The following HTR1F variants were observed in gnomAD, a reference collection of about 807,000 sequenced individuals.
HTR1F encodes 5-hydroxytryptamine (serotonin) receptor 1F, G protein-coupled.
A neutral mutation model predicts 24.0 loss-of-function variants in HTR1F; 17 were observed. The observed-to-expected ratio is 0.71, with a 90% CI of 0.48 to 1.06. The LOEUF is 1.06. Among genes scored for constraint, HTR1F ranks in the 50% least tolerant of loss-of-function variants. The pLI is 0.00. For synonymous variants in HTR1F, 186 were observed against 156.8 expected, an observed-to-expected ratio of 1.19 and a Z score of -1.39; for missense variants, 391 against 427.8, an observed-to-expected ratio of 0.91 and a Z score of 0.76.
intron 1 of HTR1F, among the ~76,000 whole-genome samples, chr3:87,818,887 T>C (rs1178067224): frequency 6.6e-6 from 1 of 152,166 alleles, no homozygotes; most frequent in Non-Finnish European, 1.5e-5. Context: ...AATCTACTCC[T>C]TAAGCTCTGC....
At chr3:87,899,593 C>T (rs1276693545) in intron 2 of HTR1F, among the ~76,000 whole-genome samples, 4 of 152,038 alleles carry the variant, frequency 2.6e-5, no homozygotes, top group South Asian at 2.1e-4. Flanking sequence ...TGGCCGGGTG[C>T]GGTGACTCAC....
At chr3:87,980,584 C>T (rs539388402) in intron 2 of HTR1F, among the ~76,000 whole-genome samples, 42 of 152,252 alleles carry the variant, frequency 2.8e-4, no homozygotes, top group South Asian at 8.3e-4. Context: ...CTGGCTTGAA[C>T]ATGGGGTTTC....
intron 2 of HTR1F, among the ~76,000 whole-genome samples, chr3:87,915,822 A>C (rs577823655): frequency 1.9e-4 from 29 of 152,328 alleles, no homozygotes; most frequent in African/African-American, 7.0e-4. Flanking sequence ...GCCATGCTAG[A>C]GACCTAGAAA....
At chr3:87,983,987 TCTGA>T (rs1233780892) in intron 2 of HTR1F, among the ~76,000 whole-genome samples, 1 of 152,166 alleles carries the variant, frequency 6.6e-6, no homozygotes, top group East Asian at 1.9e-4. Flanking sequence ...TTCTAAGACT[TCTGA>T]CTGCCTACAA....
At chr3:87,903,169 AC>A (rs1165277523) in intron 2 of HTR1F, among the ~76,000 whole-genome samples, 1 of 151,948 alleles carries the variant, frequency 6.6e-6, no homozygotes, top group African/African-American at 2.4e-5. Context: ...AACCATAAAA[AC>A]CCTAGAAGAA....
At chr3:87,802,096 TCCC>T in intron 1 of HTR1F, among the ~76,000 whole-genome samples, 4 of 40,986 alleles carry the variant, frequency 9.8e-5, no homozygotes, top group African/African-American at 5.6e-4. Flanking sequence ...CCCTCCCTCC[TCCC>T]TCCCTCCCTC....
intron 2 of HTR1F, among the ~76,000 whole-genome samples, chr3:87,948,195 A>G (rs1482434994): frequency 3.3e-5 from 5 of 152,132 alleles, no homozygotes; most frequent in Non-Finnish European, 7.4e-5. Context: ...TCAGTGCCTC[A>G]TTCACTTTGG....
intron 2 of HTR1F, among the ~76,000 whole-genome samples, chr3:87,961,816 G>T (rs1391864785): frequency 6.9e-6 from 1 of 144,908 alleles, no homozygotes; most frequent in Non-Finnish European, 1.5e-5. Context: ...AAAAAAAAAA[G>T]AATAAAAGGT....
At chr3:87,851,105 A>T (rs1206417327) in intron 2 of HTR1F, among the ~76,000 whole-genome samples, 1 of 151,776 alleles carries the variant, frequency 6.6e-6, no homozygotes, top group African/African-American at 2.4e-5. Context: ...AAAAATGTTA[A>T]CAAGCCTGGG....
intron 2 of HTR1F, among the ~76,000 whole-genome samples, chr3:87,937,928 G>GGA (rs1434077356): frequency 8.7e-6 from 1 of 114,348 alleles, no homozygotes; most frequent in Non-Finnish European, 1.9e-5. Flanking sequence ...CATCTCAAAA[G>GGA]AAAAAAAAAA....
chr3:87,847,979 G>C (rs1416866804), intron 2 of HTR1F, among the ~76,000 whole-genome samples: 1 of 151,904 alleles, frequency 6.6e-6, no homozygotes, highest in Non-Finnish European at 1.5e-5. Context: ...AAGCATGTGA[G>C]TACAGACATC....
At chr3:87,833,335 G>A (rs561508469) in intron 2 of HTR1F, among the ~76,000 whole-genome samples, 96 of 152,266 alleles carry the variant, frequency 6.3e-4, no homozygotes, top group Middle Eastern at 3.4e-3. Flanking sequence ...CATTTCCCAA[G>A]TGTTGTCCTT....
chr3:87,987,061 A>AT (rs909097661), intron 2 of HTR1F, among the ~76,000 whole-genome samples: 6 of 152,128 alleles, frequency 3.9e-5, no homozygotes, highest in Non-Finnish European at 7.4e-5. Context: ...AGCCAAGATC[A>AT]TGCCACTGTA....
chr3:87,846,295 G>T (rs1239997898), intron 2 of HTR1F, among the ~76,000 whole-genome samples: 2 of 151,804 alleles, frequency 1.3e-5, no homozygotes, highest in African/African-American at 4.9e-5. Flanking sequence ...TTAGCCAGGT[G>T]TGATGGCAAG....
chr3:87,945,155 C>G (rs1209731907), intron 2 of HTR1F, among the ~76,000 whole-genome samples: 1 of 151,898 alleles, frequency 6.6e-6, no homozygotes, highest in Non-Finnish European at 1.5e-5. Flanking sequence ...CTCTCTCCTT[C>G]TCTTAGCCAT....
rs568070588 is a variant in HTR1F, at chr3:87,914,207, G to C, written c.-42-76501G>C. Among the ~76,000 whole-genome samples, 52 of 152,204 alleles carry C rather than the reference G, an allele frequency of 3.4e-4. 1 individual carries two copies. In the South Asian group the frequency reaches 6.8e-3, roughly 20 times the overall value. On this transcript the variant is annotated intron_variant, in intron 2 of 2. Coordinates refer to ENST00000319595, the MANE Select transcript of HTR1F (RefSeq NM_001322209.2). Reference sequence around the variant, plus strand: ...GCAGGAAACCCCTGGAAGCTCACTGGGTCCCCTACCAAGCCGTTTTTGCCT... The same window carrying C: ...GCAGGAAACCCCTGGAAGCTCACTGCGTCCCCTACCAAGCCGTTTTTGCCT...
chr3:87,931,026 CTT>C (rs34617109), intron 2 of HTR1F, among the ~76,000 whole-genome samples: 14 of 131,842 alleles, frequency 1.1e-4, no homozygotes, highest in African/African-American at 3.2e-4. Flanking sequence ...ATAGTCTTTC[CTT>C]TTTTTTTTTT....
intron 2 of HTR1F, among the ~76,000 whole-genome samples, chr3:87,967,076 T>C (rs1371616669): frequency 1.3e-5 from 2 of 152,172 alleles, no homozygotes; most frequent in African/African-American, 2.4e-5. Context: ...TCTATCCTAA[T>C]AGTAAAGAAA....
At chr3:87,936,992 C>T (rs1287935555) in intron 2 of HTR1F, among the ~76,000 whole-genome samples, 2 of 148,912 alleles carry the variant, frequency 1.3e-5, no homozygotes, top group Non-Finnish European at 3.0e-5. Context: ...AATAGCCTAC[C>T]AACCAAAAAA....
Sources: gnomAD v4.1 joint callset for allele counts (sites outside exome capture counted in the v4.1 genomes callset) on GRCh38, gnomAD v4.1.1 for gene constraint, MANE v1.5 for transcripts, NCBI Gene and HGNC (gene_info 2026-07-23, HGNC 2026-07-21) for gene names.